The following PDE10A variants were observed in gnomAD, a reference collection of about 807,000 sequenced individuals.
PDE10A encodes the protein cAMP and cAMP-inhibited cGMP 3',5'-cyclic phosphodiesterase 10A.
A neutral mutation model predicts 97.7 loss-of-function variants in PDE10A; 39 were observed. The ratio of observed to expected loss-of-function variants is 0.40; its 90% CI spans 0.31 to 0.52. The LOEUF is 0.52. Ranked by LOEUF, PDE10A falls within the 20% of genes least tolerant of loss-of-function variation. The pLI, the probability that PDE10A is intolerant of heterozygous loss-of-function variation, is 0.56. For missense variants in PDE10A, 731 were observed against 1,047.8 expected, an observed-to-expected ratio of 0.70 and a Z score of 4.17; for synonymous variants, 371 against 376.8, an observed-to-expected ratio of 0.98 and a Z score of 0.18.
intron 3 of PDE10A, among the ~76,000 whole-genome samples, chr6:165,457,619 T>G (rs1778037512): frequency 6.6e-6 from 1 of 152,186 alleles, no homozygotes; most frequent in Admixed American, 6.5e-5. Context: ...TGCCACTGTG[T>G]TTCCCATGAC....
chr6:165,673,538 A>G (rs939324888), intron 1 of PDE10A, among the ~76,000 whole-genome samples: 4 of 152,228 alleles, frequency 2.6e-5, no homozygotes, highest in African/African-American at 7.2e-5. Flanking sequence ...TTGCAGCCCT[A>G]TAATTCAGGC....
In PDE10A at chr6:165,459,546, CAGACAGACAGACAGAT is replaced by C. The variant is rs1330798161; in HGVS notation, c.1024-9200_1024-9185del. Among the ~76,000 whole-genome samples the C allele has an allele frequency of 6.5e-4, 79 of 121,816 alleles. 1 individual carries two copies. The highest frequency in any genetic ancestry group is 1.0e-3 in the South Asian group (4 of 3,976). The allele number at this position is 121,816 out of a possible 152,430, so 79.9% of individuals were successfully genotyped here. A position where few individuals can be genotyped will look rare whatever the true frequency, so the allele number is the denominator to read the frequency against. On this transcript the variant is annotated intron_variant, in intron 3 of 21. Transcript: ENST00000539869. ...ATAGACAGACAGACAGACAGACAGA[CAGACAGACAGACAGAT>C]AGATAGATAATGATAGATATATATA...
At chr6:165,555,853 A>G (rs1784224896) in intron 1 of PDE10A, among the ~76,000 whole-genome samples, 1 of 152,184 alleles carries the variant, frequency 6.6e-6, no homozygotes, top group Non-Finnish European at 1.5e-5. Flanking sequence ...TACAAGGAAC[A>G]AGCCAGAGGA....
At chr6:165,654,363 C>T (rs1259796478) in intron 1 of PDE10A, among the ~76,000 whole-genome samples, 1 of 151,612 alleles carries the variant, frequency 6.6e-6, no homozygotes, top group Non-Finnish European at 1.5e-5. Context: ...ACCCCTGCTT[C>T]CCCAGGCCCC....
At chr6:165,731,901 G>T (rs1403550219) in intron 1 of PDE10A, among the ~76,000 whole-genome samples, 1 of 152,162 alleles carries the variant, frequency 6.6e-6, no homozygotes, top group African/African-American at 2.4e-5. Flanking sequence ...TGCTAATAAG[G>T]ATATGCCCAT....
At chr6:165,426,784 C>G (rs563465490) in intron 10 of PDE10A, among the ~76,000 whole-genome samples, 1 of 151,986 alleles carries the variant, frequency 6.6e-6, no homozygotes, top group Non-Finnish European at 1.5e-5. Flanking sequence ...AATAAAAATA[C>G]GAAGAATTCA....
chr6:165,778,974 A>G (rs1173550722), intron 1 of PDE10A, among the ~76,000 whole-genome samples: 3 of 151,980 alleles, frequency 2.0e-5, no homozygotes, highest in South Asian at 4.2e-4. Context: ...TTGTCTTGCA[A>G]TTTCACCTTT....
Position 165,815,460 on chromosome 6 carries a change from C to T in PDE10A, c.-615+172069G>A, listed in dbSNP as rs544036634. 2.8e-4 allele frequency among the ~76,000 whole-genome samples: 43 copies of T among 152,242 alleles called. 1 individual carries two copies. The South Asian group carries it at 7.7e-3, about 27-fold the overall frequency. ...AGAGAGAAGAGACAACAAAGTCAAC[C>T]GTGTTGATGGGGTAACGAAGGGTGG... On this transcript the variant is annotated intron_variant, in intron 1 of 19. Transcript: ENST00000366882.
At chr6:165,758,276 C>T (rs1201475513) in intron 1 of PDE10A, among the ~76,000 whole-genome samples, 1 of 152,052 alleles carries the variant, frequency 6.6e-6, no homozygotes, top group African/African-American at 2.4e-5. Flanking sequence ...GCCTGGCCAA[C>T]ATGGTGAAGC....
At chr6:165,527,231 G>A (rs1782500348) in intron 2 of PDE10A, among the ~76,000 whole-genome samples, 1 of 152,156 alleles carries the variant, frequency 6.6e-6, no homozygotes, top group Non-Finnish European at 1.5e-5. Context: ...GATTTTGGAG[G>A]CCACACATTT....
chr6:165,566,905 C>T (rs929056617), intron 1 of PDE10A, among the ~76,000 whole-genome samples: 1 of 152,040 alleles, frequency 6.6e-6, no homozygotes, highest in African/African-American at 2.4e-5. Flanking sequence ...AGGAATCTAC[C>T]GAAAAATCTG....
At chr6:165,427,116 T>C (rs1293384837) in intron 10 of PDE10A, among the ~76,000 whole-genome samples, 4 of 152,010 alleles carry the variant, frequency 2.6e-5, no homozygotes, top group African/African-American at 7.2e-5. Context: ...CCTAGATATA[T>C]ACCCCAAACA....
Position 165,909,850 on chromosome 6 carries a change from T to C in PDE10A, c.-615+77679A>G, listed in dbSNP as rs192540911. On this transcript the variant is annotated intron_variant, in intron 1 of 19. Transcript: ENST00000366882. ...CTCGCTTCTCTCCTACCACCCCAAC[T>C]CCTTGCTGTTCCACCAAACCCAAAC... is the stretch of plus-strand genomic sequence containing the variant. 1.4e-4 allele frequency among the ~76,000 whole-genome samples: 21 copies of C among 152,130 alleles called. No individual in the cohort carries two copies. The East Asian group carries it at 3.1e-3, about 22-fold the overall frequency.
intron 1 of PDE10A, among the ~76,000 whole-genome samples, chr6:165,983,224 A>C (rs1785074682): frequency 6.6e-6 from 1 of 152,212 alleles, no homozygotes; most frequent in African/African-American, 2.4e-5. Flanking sequence ...GAGGAAACCA[A>C]AACCATCTGA....
intron 1 of PDE10A, among the ~76,000 whole-genome samples, chr6:165,837,940 C>T (rs1292780339): frequency 2.6e-5 from 4 of 152,160 alleles, no homozygotes; most frequent in Admixed American, 6.5e-5. Flanking sequence ...CTGCCTCGGC[C>T]TCCCAAAGTG....
At chr6:165,549,556 C>G (rs140885631) in intron 1 of PDE10A, among the ~76,000 whole-genome samples, 1 of 152,180 alleles carries the variant, frequency 6.6e-6, no homozygotes, top group East Asian at 1.9e-4. Context: ...GATCTCCTGA[C>G]CTCATGATCC....
At chr6:165,855,201 G>A (rs946865648) in intron 1 of PDE10A, among the ~76,000 whole-genome samples, 24 of 151,748 alleles carry the variant, frequency 1.6e-4, no homozygotes, top group African/African-American at 5.6e-4. Context: ...CAGGTTCACC[G>A]GGCAGCCCCA....
In PDE10A at chr6:165,661,639, G is replaced by C. The variant is rs1390855208; in HGVS notation, c.865+308C>G. 2 of 366,946 alleles carry C rather than the reference G, an allele frequency of 5.5e-6. No individual in the cohort carries two copies. The highest frequency in any genetic ancestry group is 2.2e-5 in the African/African-American group (1 of 46,472). The allele number at this position is 366,946 out of a possible 1,614,324, so 22.7% of individuals were successfully genotyped here. A position where few individuals can be genotyped will look rare whatever the true frequency, so the allele number is the denominator to read the frequency against. ...GGACAAGTGTGGCCAGAAACGGCAC[G>C]AGGGGCGGAGAAGGAGGCGGCAGGT... On this transcript the variant is annotated intron_variant, in intron 1 of 21. Coordinates refer to ENST00000539869, the MANE Select transcript of PDE10A (RefSeq NM_001385079.1). The surrounding 1 kb of genome is among the most constrained non-coding windows in gnomAD (Gnocchi z 4.8).
rs538842967 is a variant in PDE10A at position 165,521,373 on chromosome 6, T to A, written c.994+22067A>T. On this transcript the variant is annotated intron_variant, in intron 2 of 21. Transcript: ENST00000539869. The stretch of plus-strand genomic sequence containing the variant: ...TGTTCAAGCAAAAGGAAGAGTCACA[T>A]ACCTCTAACTTTAAATCAAAAGCAA... Among the ~76,000 whole-genome samples, 10 of 152,288 alleles carry A rather than the reference T, an allele frequency of 6.6e-5. No homozygotes were observed. The South Asian group carries it at 2.1e-3, about 32-fold the overall frequency.
Sources: allele counts gnomAD v4.1 joint callset (sites outside exome capture counted in the v4.1 genomes callset), GRCh38; gene constraint gnomAD v4.1.1; non-coding constraint Gnocchi (gnomAD v3.1); transcripts MANE v1.5; gene names NCBI Gene and HGNC (gene_info 2026-07-23, HGNC 2026-07-21).